The following DCC variants were observed in gnomAD, a reference collection of about 807,000 sequenced individuals.
DCC encodes netrin receptor DCC.
DCC carries 58 observed loss-of-function variants against 172.5 expected under a neutral mutation model. The ratio of observed to expected loss-of-function variants is 0.34; its 90% CI spans 0.27 to 0.42. The LOEUF is 0.42. DCC is among the 10% of genes least tolerant of loss of function. The pLI is 1.00. For synonymous variants in DCC, 709 were observed against 644.5 expected (o/e 1.10, Z -1.52); for missense variants, 1,740 against 1,791.0 (o/e 0.97, Z 0.51).
intron 2 of DCC, among the ~76,000 whole-genome samples, chr18:52,792,769 T>TATTCCAATCCATTCCATTCCATTCC (rs2037796559): frequency 6.0e-5 from 8 of 134,398 alleles, no homozygotes; most frequent in African/African-American, 1.6e-4. Flanking sequence ...TATTCCATTC[T>TATTCCAATCCATTCCATTCCATTCC]ATTCCATTCC....
chr18:53,364,075 G>A (rs1262958016), intron 15 of DCC, among the ~76,000 whole-genome samples: 2 of 152,168 alleles, frequency 1.3e-5, no homozygotes, highest in Non-Finnish European at 2.9e-5. Flanking sequence ...CAATCAATAT[G>A]TATCAAGTGC....
At chr18:52,863,649 C>T (rs1199739087) in intron 2 of DCC, among the ~76,000 whole-genome samples, 3 of 151,458 alleles carry the variant, frequency 2.0e-5, no homozygotes, top group Admixed American at 2.0e-4. Flanking sequence ...TTTGAGAAAC[C>T]TTTTTAAGTA....
chr18:53,463,539 A>C (rs879526443), intron 24 of DCC, among the ~76,000 whole-genome samples: 1 of 152,196 alleles, frequency 6.6e-6, no homozygotes, highest in African/African-American at 2.4e-5. Flanking sequence ...GGCAATAACT[A>C]TGTAAGGAGA....
chr18:52,687,067 A>C (rs1398541997), intron 1 of DCC, among the ~76,000 whole-genome samples: 1 of 152,058 alleles, frequency 6.6e-6, no homozygotes, highest in Non-Finnish European at 1.5e-5. Flanking sequence ...TAATCTAGCC[A>C]CTTACTGGGA....
intron 2 of DCC, among the ~76,000 whole-genome samples, chr18:52,829,380 T>C (rs1266790075): frequency 6.6e-6 from 1 of 152,216 alleles, no homozygotes; most frequent in Non-Finnish European, 1.5e-5. Flanking sequence ...GCTTTAGATC[T>C]ATTATTTACC....
At chr18:52,810,172 A>G (rs2038166623) in intron 2 of DCC, among the ~76,000 whole-genome samples, 1 of 152,232 alleles carries the variant, frequency 6.6e-6, no homozygotes, top group Non-Finnish European at 1.5e-5. Flanking sequence ...TCTTAAGACA[A>G]CAGGAGCTAA....
At chr18:53,328,684 A>G (rs1003201425) in intron 14 of DCC, among the ~76,000 whole-genome samples, 6 of 151,946 alleles carry the variant, frequency 3.9e-5, no homozygotes, top group African/African-American at 1.5e-4. Context: ...ACAGGCATCC[A>G]CCACCATGCT....
At chr18:53,087,051 G>A (rs111307908) in intron 7 of DCC, among the ~76,000 whole-genome samples, 8 of 151,598 alleles carry the variant, frequency 5.3e-5, no homozygotes, top group Middle Eastern at 3.4e-3. Context: ...GAATAGTGCC[G>A]CAATAAACAT....
intron 1 of DCC, among the ~76,000 whole-genome samples, chr18:52,530,409 C>T (rs1322550619): frequency 6.6e-6 from 1 of 152,166 alleles, no homozygotes; most frequent in African/African-American, 2.4e-5. Context: ...TTAAACCCTA[C>T]TTTTACACTT....
chr18:52,421,904 C>T (rs1160139063), intron 1 of DCC, among the ~76,000 whole-genome samples: 1 of 152,186 alleles, frequency 6.6e-6, no homozygotes, highest in Middle Eastern at 3.2e-3. Context: ...ATGCAAACTT[C>T]TAACTGTCCA....
intron 1 of DCC, among the ~76,000 whole-genome samples, chr18:52,591,028 A>C (rs1563225): frequency 0.12 from 18,177 of 152,164 alleles, 1,605 homozygotes; most frequent in East Asian, 0.43. Context: ...TATTATCAAA[A>C]ACATTGAAGT....
chr18:53,061,366 G>A (rs199568699), intron 5 of DCC, among the ~76,000 whole-genome samples: 11 of 151,678 alleles, frequency 7.3e-5, no homozygotes, highest in Middle Eastern at 3.4e-3. Flanking sequence ...GTATACATAC[G>A]TAAACGTATA....
intron 5 of DCC, among the ~76,000 whole-genome samples, chr18:53,048,614 G>A (rs1246715166): frequency 6.7e-6 from 1 of 150,034 alleles, no homozygotes; most frequent in East Asian, 1.9e-4. Flanking sequence ...TATAAAAAAT[G>A]TGATATATGA....
At chr18:53,112,090 A>T (rs1315015611) in intron 7 of DCC, among the ~76,000 whole-genome samples, 1 of 122,192 alleles carries the variant, frequency 8.2e-6, no homozygotes, top group African/African-American at 3.2e-5. Flanking sequence ...CTACAGGGGT[A>T]AAAAAAAACA....
chr18:53,248,376 A>C (rs1213945996), intron 12 of DCC, among the ~76,000 whole-genome samples: 2 of 152,042 alleles, frequency 1.3e-5, no homozygotes, highest in Non-Finnish European at 2.9e-5. Flanking sequence ...ACTTAAGGAA[A>C]GGATTACTAG....
rs1451091504 is a variant in DCC at position 53,533,492 on chromosome 18, T to C, written c.*2839T>C. On this transcript the variant is annotated 3_prime_UTR_variant, in exon 29 of 29. Coordinates refer to ENST00000442544, the MANE Select transcript of DCC (RefSeq NM_005215.4). ...ATCCTCTTTTTTTTAAAAAAAATGG[T>C]ATTTTTCTTTAAATTTCACCCTAAT... 6.6e-6 allele frequency: 1 copy of C among 152,194 alleles called. No homozygotes were observed. Among genetic ancestry groups the C allele is most frequent in the Non-Finnish European group, 1.5e-5 (1 of 68,014 alleles). 9.4% of individuals were successfully genotyped at this position (152,194 alleles called of 1,614,324 possible). A position where few individuals can be genotyped will look rare whatever the true frequency, so the allele number is the denominator to read the frequency against.
chr18:53,467,628 C>T (rs10853632), intron 24 of DCC, among the ~76,000 whole-genome samples: 73,972 of 151,934 alleles, frequency 0.49, 19,019 homozygotes, highest in Non-Finnish European at 0.58. Context: ...TATTAATGTA[C>T]GCTCTCCCAC....
At chr18:52,704,032 T>A (rs2145041454) in intron 1 of DCC, among the ~76,000 whole-genome samples, 1 of 151,538 alleles carries the variant, frequency 6.6e-6, no homozygotes, top group East Asian at 1.9e-4. Flanking sequence ...TAGTTGTATA[T>A]CATTAGCTAA....
intron 1 of DCC, among the ~76,000 whole-genome samples, chr18:52,602,718 C>A (rs2034043581): frequency 6.6e-6 from 1 of 151,850 alleles, no homozygotes. Context: ...AATACTCTAG[C>A]AAACGAGATT....
Sources: allele counts gnomAD v4.1 joint callset (sites outside exome capture counted in the v4.1 genomes callset), GRCh38; gene constraint gnomAD v4.1.1; transcripts MANE v1.5; gene names NCBI Gene and HGNC (gene_info 2026-07-23, HGNC 2026-07-21).